Variants in CAB39L observed in about 807,000 individuals in gnomAD.
CAB39L encodes calcium binding protein 39 like.
In CAB39L, 23 loss-of-function variants were observed where a neutral mutation model predicts 39.1. The ratio of observed to expected loss-of-function variants is 0.59; its 90% CI spans 0.42 to 0.83. The LOEUF (loss-of-function observed/expected upper bound fraction) is 0.83. Among genes scored for constraint, CAB39L ranks in the 40% least tolerant of loss-of-function variants. The pLI is 0.00. For missense variants in CAB39L, 366 were observed against 391.9 expected, an observed-to-expected ratio of 0.93 and a Z score of 0.56; for synonymous variants, 126 against 137.2, an observed-to-expected ratio of 0.92 and a Z score of 0.57.
chr13:49,358,587 G>A (rs767740310), intron 6 of CAB39L, among the ~76,000 whole-genome samples: 5 of 152,300 alleles, frequency 3.3e-5, no homozygotes, highest in Admixed American at 6.5e-5. Flanking sequence ...GAGGCCAGGC[G>A]CAGTGGCTCA....
intron 9 of CAB39L, among the ~76,000 whole-genome samples, chr13:49,332,396 T>C (rs1954730813): frequency 6.6e-6 from 1 of 152,216 alleles, no homozygotes; most frequent in African/African-American, 2.4e-5. Flanking sequence ...TTATCTTGCT[T>C]CGCACTAATG....
At chr13:49,442,275 A>G (rs1957537059) in intron 1 of CAB39L, among the ~76,000 whole-genome samples, 1 of 152,224 alleles carries the variant, frequency 6.6e-6, no homozygotes, top group Non-Finnish European at 1.5e-5. Context: ...GTCATAATTT[A>G]TAAAACCATT....
In CAB39L at chr13:49,315,442, C is replaced by G. The variant is rs1040355728; in HGVS notation, c.835-4449G>C. On this transcript the variant is annotated intron_variant, in intron 10 of 10. Transcript: ENST00000409308. ...GGGTTATAAAGTATCCTAGGCTCCTCTGAAACAACCAATGGGAAATAGAAA... is the reference window on the plus strand; with the variant it reads ...GGGTTATAAAGTATCCTAGGCTCCTGTGAAACAACCAATGGGAAATAGAAA... Among the ~76,000 whole-genome samples the G allele has an allele frequency of 3.3e-5, 5 of 152,034 alleles. No homozygotes were observed. The East Asian group carries it at 9.6e-4, about 29-fold the overall frequency.
chr13:49,378,262 G>C (rs1476999295), intron 4 of CAB39L, among the ~76,000 whole-genome samples: 1 of 85,666 alleles, frequency 1.2e-5, no homozygotes, highest in Admixed American at 9.6e-5. Flanking sequence ...GGAGGGAGGT[G>C]GGGGGGGGTC....
intron 4 of CAB39L, among the ~76,000 whole-genome samples, chr13:49,380,417 A>T (rs114504492): frequency 0.43 from 51,063 of 119,470 alleles, 9,160 homozygotes; most frequent in African/African-American, 0.58. Flanking sequence ...ATGAAACTTA[A>T]AAAAAACTCA....
At chr13:49,428,600 T>G (rs555698732) in intron 3 of CAB39L, among the ~76,000 whole-genome samples, 1 of 151,692 alleles carries the variant, frequency 6.6e-6, no homozygotes, top group South Asian at 2.1e-4. Flanking sequence ...AACACCCAAA[T>G]AAGGAAGGAA....
chr13:49,439,388 C>A (rs1049305797), intron 1 of CAB39L, among the ~76,000 whole-genome samples: 1 of 152,118 alleles, frequency 6.6e-6, no homozygotes, highest in Non-Finnish European at 1.5e-5. Context: ...TATGACAGAT[C>A]CTGTCATCCA....
chr13:49,444,057 T>C lies in CAB39L; in HGVS notation c.-317A>G, dbSNP rs975226381. ...CTACGAGTAACTCCATTGGCTCAGC[T>C]ACAGTGCGCGAGACAAGCCGAGAGC... On this transcript the variant is annotated 5_prime_UTR_variant, in exon 1 of 11. Transcript: ENST00000409308. The C allele has an allele frequency of 8.8e-6, 4 of 453,320 alleles. No individual in the cohort carries two copies. The highest frequency in any genetic ancestry group is 4.0e-5 in the African/African-American group (2 of 49,992). 28.1% of individuals were successfully genotyped at this position (453,320 alleles called of 1,614,324 possible). A position where few individuals can be genotyped will look rare whatever the true frequency, so the allele number is the denominator to read the frequency against.
intron 3 of CAB39L, among the ~76,000 whole-genome samples, chr13:49,431,601 T>A (rs914288839): frequency 1.3e-5 from 2 of 151,616 alleles, no homozygotes; most frequent in Non-Finnish European, 2.9e-5. Flanking sequence ...CAGCTACTTA[T>A]GAGGCTGTGG....
rs74770135 is a variant in CAB39L at position 49,438,611 on chromosome 13, C to T, written c.-245-4388G>A. 5.1e-3 allele frequency among the ~76,000 whole-genome samples: 778 copies of T among 152,244 alleles called. 17 individuals are homozygous for T. The East Asian group carries it at 0.073, about 14-fold the overall frequency. On this transcript the variant is annotated intron_variant, in intron 1 of 10. Coordinates refer to ENST00000409308, the MANE Select transcript of CAB39L (RefSeq NM_001079670.3). ...ATTATTTTATTTCTTTGAATAAATA[C>T]TTTCTTAATATCTGACATAAAATGT...
chr13:49,398,640 C>T (rs1316317497), intron 3 of CAB39L, among the ~76,000 whole-genome samples: 1 of 152,052 alleles, frequency 6.6e-6, no homozygotes, highest in East Asian at 1.9e-4. Context: ...CCAAAACCTG[C>T]ATCTACTGTA....
intron 3 of CAB39L, among the ~76,000 whole-genome samples, chr13:49,397,598 C>T (rs1406194596): frequency 3.9e-5 from 6 of 151,946 alleles, no homozygotes; most frequent in African/African-American, 9.7e-5. Context: ...TCCTACTAGG[C>T]TATTGTAGTT....
At chr13:49,394,000 A>G (rs1381135659) in intron 3 of CAB39L, among the ~76,000 whole-genome samples, 2 of 152,014 alleles carry the variant, frequency 1.3e-5, no homozygotes, top group Non-Finnish European at 2.9e-5. Flanking sequence ...TGGATGTGAA[A>G]TAGTTTCTGT....
At chr13:49,434,360 G>A (rs985582094) in intron 1 of CAB39L, 137 bp from the exon 2 acceptor site, 4 of 352,234 alleles carry the variant, frequency 1.1e-5, no homozygotes, top group South Asian at 8.7e-5. Flanking sequence ...AATAAGATGG[G>A]TCTCAATGTA....
At chr13:49,343,029 C>G (rs1014253080) in intron 8 of CAB39L, among the ~76,000 whole-genome samples, 4 of 152,130 alleles carry the variant, frequency 2.6e-5, no homozygotes, top group Admixed American at 2.0e-4. Context: ...TACATAGTGG[C>G]TCTCATTTCT....
At chr13:49,401,594 C>T (rs1186268568) in intron 3 of CAB39L, 1 of 152,074 alleles carries the variant, frequency 6.6e-6, no homozygotes, top group Non-Finnish European at 1.5e-5. Flanking sequence ...AGTCCTGTAA[C>T]GTCACAAGAA....
At position 49,349,807 on chromosome 13, in the gene CAB39L, T is replaced by C. The variant is rs535415784; in HGVS notation, c.564+937A>G. ...GTTTGCCATTATTGAAAAATGAGCATGTAATACACATTGATACCAACTTCA... is the reference window on the plus strand; with the variant it reads ...GTTTGCCATTATTGAAAAATGAGCACGTAATACACATTGATACCAACTTCA... On this transcript the variant is annotated intron_variant, in intron 7 of 10. Coordinates refer to ENST00000409308, the MANE Select transcript of CAB39L (RefSeq NM_001079670.3). Among the ~76,000 whole-genome samples the C allele has an allele frequency of 3.2e-4, 49 of 152,230 alleles. No individual in the cohort carries two copies. The South Asian group carries it at 9.9e-3, about 31-fold the overall frequency.
intron 3 of CAB39L, among the ~76,000 whole-genome samples, chr13:49,415,672 G>A (rs756054644): frequency 1.8e-4 from 28 of 152,056 alleles, no homozygotes; most frequent in Non-Finnish European, 3.5e-4. Flanking sequence ...AAGGGCACAG[G>A]AAGGGTGCTG....
intron 5 of CAB39L, among the ~76,000 whole-genome samples, chr13:49,361,203 G>A (rs1955619203): frequency 1.3e-5 from 2 of 152,088 alleles, no homozygotes. Context: ...AAAAAGGCCA[G>A]GCGCAGTGGC....
Sources: gnomAD v4.1 joint callset for allele counts (sites outside exome capture counted in the v4.1 genomes callset) on GRCh38, gnomAD v4.1.1 for gene constraint, MANE v1.5 for transcripts, NCBI Gene and HGNC (gene_info 2026-07-23, HGNC 2026-07-21) for gene names.